Variants in NPC1 observed in about 807,000 individuals in gnomAD.
NPC1 encodes Niemann-Pick C1 protein.
A neutral mutation model predicts 140.4 loss-of-function variants in NPC1; 85 were observed. The ratio of observed to expected loss-of-function variants is 0.61; its 90% CI spans 0.51 to 0.72. NPC1 has a LOEUF of 0.72. NPC1 is among the 30% of genes least tolerant of loss of function. The pLI is 0.00. For synonymous variants in NPC1, 656 were observed against 624.8 expected (o/e 1.05, Z -0.74); for missense variants, 1,504 against 1,623.8 (o/e 0.93, Z 1.27).
At position 23,544,940 on chromosome 18, in the gene NPC1, A is replaced by ACCCCCCCC. The variant is rs770879191; in HGVS notation, c.1947+19_1947+20insGGGGGGGG. 6 of 1,206,102 alleles carry ACCCCCCCC rather than the reference A, an allele frequency of 5.0e-6. No individual in the cohort carries two copies. The highest frequency in any genetic ancestry group is 1.2e-5 in the South Asian group (1 of 80,728). The allele number at this position is 1,206,102 out of a possible 1,614,324, so 74.7% of individuals were successfully genotyped here. A position where few individuals can be genotyped will look rare whatever the true frequency, so the allele number is the denominator to read the frequency against. On this transcript the variant is annotated intron_variant, in intron 12 of 24. Transcript: ENST00000269228. Reference sequence around the variant, plus strand: ...ACTGCTGTTAACCTCTAGAACATACACCACCCCCCCCCGGCTTACCAGAAG... The same window carrying ACCCCCCCC: ...ACTGCTGTTAACCTCTAGAACATACACCCCCCCCCCACCCCCCCCCGGCTTACCAGAAG...
intron 3 of NPC1, among the ~76,000 whole-genome samples, chr18:23,510,427 C>T (rs1029931589): frequency 6.6e-6 from 1 of 151,986 alleles, no homozygotes; most frequent in Non-Finnish European, 1.5e-5. Flanking sequence ...GTGGGCAGAT[C>T]ACCTGAGGTC....
downstream of NPC1, chr18:23,530,598 C>G: frequency 6.2e-7 from 1 of 1,613,654 alleles, no homozygotes; most frequent in Non-Finnish European, 8.5e-7. Flanking sequence ...CGAGGGAGCC[C>G]CAATTTCACA....
In NPC1 at chr18:23,548,339, C is replaced by CT. The variant is rs34182768; in HGVS notation, c.1655-232dup. Among the ~76,000 whole-genome samples, 24,408 of 136,130 alleles carry CT rather than the reference C, an allele frequency of 0.18. 2,108 individuals carry two copies. The highest frequency in any genetic ancestry group is 0.3 in the Middle Eastern group (77 of 254). 89.3% of individuals were successfully genotyped at this position (136,130 alleles called of 152,430 possible). ...TGGTTATCATTCAGGAAGAGTAACT[C>CT]TTTTTTTTTTTTTTTTTAAAGGATA... is the stretch of plus-strand genomic sequence containing the variant. On this transcript the variant is annotated intron_variant, in intron 10 of 24. Coordinates refer to ENST00000269228, the MANE Select transcript of NPC1 (RefSeq NM_000271.5).
At chr18:23,538,779 T>G in intron 19 of NPC1, 108 bp from the exon 20 acceptor site, 3 of 1,136,176 alleles carry the variant, frequency 2.6e-6, no homozygotes, top group Non-Finnish European at 3.9e-6. Context: ...CTCTATCGAT[T>G]ACTTTCCTTA....
intron 8 of NPC1, 143 bp downstream of exon 8, chr18:23,556,100 G>A: frequency 1.4e-6 from 1 of 728,110 alleles, no homozygotes; most frequent in South Asian, 1.6e-5. Flanking sequence ...TAACTTAAAG[G>A]CAGCTTTGCC....
In NPC1 at chr18:23,546,189, C is replaced by T. The variant is rs144025344; in HGVS notation, c.1758-1040G>A. ...ACTTGAACCTGGAAGGCAGAGGCTG[C>T]AGCGAGCTGAGATCATGCCACTGCA... is the stretch of plus-strand genomic sequence containing the variant. On this transcript the variant is annotated intron_variant, in intron 11 of 24. Coordinates refer to ENST00000269228, the MANE Select transcript of NPC1 (RefSeq NM_000271.5). Among the ~76,000 whole-genome samples, 876 of 133,940 alleles carry T rather than the reference C, an allele frequency of 6.5e-3. 3 individuals carry two copies. The highest frequency in any genetic ancestry group is 0.02 in the Middle Eastern group (5 of 254). 87.9% of individuals were successfully genotyped at this position (133,940 alleles called of 152,430 possible).
At chr18:23,525,261 T>G (rs2058264186), downstream of NPC1, among the ~76,000 whole-genome samples, 2 of 151,664 alleles carry the variant, frequency 1.3e-5, no homozygotes, top group African/African-American at 2.4e-5. Flanking sequence ...AAATCTTATT[T>G]TTTTAAGGCA....
downstream of NPC1, chr18:23,530,581 G>A (rs772985708): frequency 6.2e-7 from 1 of 1,613,900 alleles, no homozygotes; most frequent in African/African-American, 1.3e-5. Context: ...AGCGAAACCA[G>A]CGTTTGCGAG....
intron 1 of NPC1, chr18:23,581,949 A>G (rs2059361310): frequency 6.6e-6 from 1 of 152,224 alleles, no homozygotes; most frequent in Non-Finnish European, 1.5e-5. Context: ...GTAATTATGA[A>G]CATTTACACA....
downstream of NPC1, chr18:23,519,113 C>T (rs202070090): frequency 1.9e-5 from 30 of 1,614,118 alleles, no homozygotes; most frequent in East Asian, 1.1e-4. Flanking sequence ...TTAAATAGGA[C>T]GGGAAAGTTT....
chr18:23,560,650 G>T (rs947154766), intron 5 of NPC1, among the ~76,000 whole-genome samples, 170 bp from the exon 6 acceptor site: 1 of 152,160 alleles, frequency 6.6e-6, no homozygotes, highest in African/African-American at 2.4e-5. Context: ...TCGTCCTATG[G>T]AATTTTAAGT....
chr18:23,532,106 TC>T lies in NPC1; in HGVS notation c.*95del. Reference sequence around the variant, plus strand: ...GCCAAACAACCGATGGTTGGCACCATCCGGTGTTCAACTTGGCCTTGCCGAT... The same window carrying T: ...GCCAAACAACCGATGGTTGGCACCATCGGTGTTCAACTTGGCCTTGCCGAT... On this transcript the variant is annotated 3_prime_UTR_variant, in exon 25 of 25. Coordinates refer to ENST00000269228, the MANE Select transcript of NPC1 (RefSeq NM_000271.5). 1.9e-6 allele frequency: 3 copies of T among 1,613,592 alleles called. No individual in the cohort carries two copies. The South Asian group carries it at 3.3e-5, about 18-fold the overall frequency.
At chr18:23,563,768 C>T (rs936421158) in intron 4 of NPC1, among the ~76,000 whole-genome samples, 1 of 152,052 alleles carries the variant, frequency 6.6e-6, no homozygotes. Context: ...ACAGCCTTGT[C>T]AACACTTCTT....
In NPC1 at chr18:23,511,653, C is replaced by CT. The variant is rs879564586; in HGVS notation, c.432-5012dup. Among the ~76,000 whole-genome samples the CT allele has an allele frequency of 1.4e-3, 200 of 141,082 alleles. 2 individuals are homozygous for CT. Among genetic ancestry groups the CT allele is most frequent in the Admixed American group, 2.7e-3 (38 of 14,012 alleles). 92.6% of individuals were successfully genotyped at this position (141,082 alleles called of 152,430 possible). A position where few individuals can be genotyped will look rare whatever the true frequency, so the allele number is the denominator to read the frequency against. On this transcript the variant is annotated intron_variant, in intron 3 of 3. Transcript: ENST00000591107. ...GTTGTATATAAACTTTTGCAGCTAG[C>CT]TTTTTTTTTTTTTGTCCAAAGTGTA... is the stretch of plus-strand genomic sequence containing the variant.
chr18:23,579,548 T>C (rs1414453377), intron 1 of NPC1, among the ~76,000 whole-genome samples: 1 of 152,146 alleles, frequency 6.6e-6, no homozygotes. Flanking sequence ...AATGACTGGA[T>C]AGGGAAGCTT....
chr18:23,536,625 T>C, intron 21 of NPC1, 48 bp downstream of exon 21: 1 of 1,523,826 alleles, frequency 6.6e-7, no homozygotes, highest in Admixed American at 1.8e-5. Flanking sequence ...TCCCACCCAG[T>C]GTAGGCCCTT....
rs1555632977 is a variant in NPC1 at position 23,538,616 on chromosome 18, CCT to C, written c.2965_2966del (p.Arg989AlafsTer17). The C allele has an allele frequency of 1.2e-6, 2 of 1,614,200 alleles. No individual in the cohort carries two copies. Among genetic ancestry groups the C allele is most frequent in the Non-Finnish European group, 1.7e-6 (2 of 1,180,026 alleles). ...CRPLTPEGKQ[R>X]PQGGDFMRFL... ...ATCTCATGAAGTCTCCCCCCTGAGG[CCT>C]CTGTTTGCCTTCCGGAGTCAGAGGC... On this transcript the variant is annotated frameshift_variant, in exon 20 of 25. Transcript: ENST00000269228. LOFTEE classifies it high-confidence loss of function.
At position 23,535,625 on chromosome 18, in the gene NPC1, G is replaced by T. The variant is rs376210355; in HGVS notation, c.3321C>A (p.Gly1107=). The change falls in exon 22 of 25, where the codon GGC becomes GGA. Residue 1107 remains glycine (G), a synonymous_variant. Coordinates refer to ENST00000269228, the MANE Select transcript of NPC1 (RefSeq NM_000271.5). ...DTIFNLGVSL[G]AIFLVTMVLL... ...GGACCATGGTCACCAGAAATATCGC[G>T]CCCAGGGACACACCGAGGTTGAAGA... The T allele has an allele frequency of 3.1e-5, 50 of 1,613,950 alleles. No individual in the cohort carries two copies. Among genetic ancestry groups the T allele is most frequent in the Non-Finnish European group, 7.6e-6 (9 of 1,179,998 alleles).
intron 1 of NPC1, among the ~76,000 whole-genome samples, chr18:23,579,608 A>C (rs1293574344): frequency 1.3e-5 from 2 of 152,156 alleles, no homozygotes; most frequent in Non-Finnish European, 2.9e-5. Context: ...AGCCCCTTCT[A>C]GGCCAGGTGC....
Sources: allele counts gnomAD v4.1 joint callset (sites outside exome capture counted in the v4.1 genomes callset), GRCh38; gene constraint gnomAD v4.1.1; transcripts MANE v1.5; gene names NCBI Gene and HGNC (gene_info 2026-07-23, HGNC 2026-07-21).